Variants in INPP5F observed in about 807,000 individuals in gnomAD.
INPP5F encodes the protein phosphatidylinositide 4-phosphatase SAC2.
A neutral mutation model predicts 137.2 loss-of-function variants in INPP5F; 97 were observed. The ratio of observed to expected loss-of-function variants is 0.71; its 90% CI spans 0.60 to 0.84. The LOEUF is 0.84. Among genes scored for constraint, INPP5F ranks in the 40% least tolerant of loss-of-function variants. The pLI, the probability that INPP5F is intolerant of heterozygous loss-of-function variation, is 0.00. For synonymous variants in INPP5F, 504 were observed against 476.9 expected, an observed-to-expected ratio of 1.06 and a Z score of -0.74; for missense variants, 1,271 against 1,371.9, an observed-to-expected ratio of 0.93 and a Z score of 1.16.
rs768504947 is a variant in INPP5F, at chr10:119,726,286, C to T, written c.24C>T (p.Asp8=). The part of the protein sequence containing the change: MELFQAK[D]HYILQQGERA... ...GCATGGAGCTCTTCCAAGCCAAGGA[C>T]CACTACATCCTGCAGCAGGGCGAGC... is the stretch of plus-strand genomic sequence containing the variant. The change falls in exon 1 of 20, where the codon GAC becomes GAT. Residue 8 remains aspartate (D), a synonymous_variant. Coordinates refer to ENST00000650623, the MANE Select transcript of INPP5F (RefSeq NM_014937.4). 2.7e-6 allele frequency: 4 copies of T among 1,492,408 alleles called. No individual in the cohort carries two copies. The highest frequency in any genetic ancestry group is 2.9e-5 in the African/African-American group (2 of 68,712). The allele number at this position is 1,492,408 out of a possible 1,614,324, so 92.4% of individuals were successfully genotyped here.
intron 15 of INPP5F, chr10:119,816,076 G>C (rs1460414438): frequency 6.6e-6 from 1 of 152,242 alleles, no homozygotes; most frequent in East Asian, 1.9e-4. Flanking sequence ...AGCAGGATGA[G>C]GCCTGCCTAC....
Position 119,748,606 on chromosome 10 carries a change from C to T in INPP5F, c.98-2470C>T, listed in dbSNP as rs1332513585. ...GGGTAGCTCCTTTTTGCAGGCAGGT[C>T]ATCCAATGAGGAGACCCGAAGGGGG... On this transcript the variant is annotated intron_variant, in intron 1 of 19. Transcript: ENST00000650623. This position sits in a 1 kb window ranked among gnomAD's most constrained non-coding sequence, Gnocchi z 4.7. Among the ~76,000 whole-genome samples the T allele has an allele frequency of 6.6e-6, 1 of 152,178 alleles. No homozygotes were observed. The highest frequency in any genetic ancestry group is 1.5e-5 in the Non-Finnish European group (1 of 68,038).
At chr10:119,793,163 G>A (rs921373177) in intron 6 of INPP5F, among the ~76,000 whole-genome samples, 1 of 152,136 alleles carries the variant, frequency 6.6e-6, no homozygotes, top group Non-Finnish European at 1.5e-5. Flanking sequence ...ATGTTTTGCC[G>A]AGTTTTTGTC....
chr10:119,759,397 T>G (rs1027638467), intron 2 of INPP5F, among the ~76,000 whole-genome samples: 1 of 150,450 alleles, frequency 6.6e-6, no homozygotes, highest in Non-Finnish European at 1.5e-5. Flanking sequence ...AAGATTTACT[T>G]TTTTTTTTTG....
chr10:119,734,435 G>A (rs983840989), intron 1 of INPP5F, among the ~76,000 whole-genome samples: 3 of 152,108 alleles, frequency 2.0e-5, no homozygotes, highest in African/African-American at 2.4e-5. Flanking sequence ...CAGGTTCTTA[G>A]GGTAATGAGT....
intron 1 of INPP5F, among the ~76,000 whole-genome samples, chr10:119,743,092 G>T (rs1374184897): frequency 2.0e-5 from 3 of 152,214 alleles, no homozygotes; most frequent in Non-Finnish European, 4.4e-5. Context: ...CTTTACCTAT[G>T]CCAGCTTTAA....
chr10:119,744,894 T>A (rs1332623500), intron 1 of INPP5F, among the ~76,000 whole-genome samples: 1 of 152,246 alleles, frequency 6.6e-6, no homozygotes, highest in Non-Finnish European at 1.5e-5. Context: ...CATCTCATCA[T>A]GAACTCAGTC....
chr10:119,822,879 G>T (rs1227547836), intron 17 of INPP5F, among the ~76,000 whole-genome samples, 192 bp from the exon 18 acceptor site: 1 of 152,110 alleles, frequency 6.6e-6, no homozygotes, highest in Non-Finnish European at 1.5e-5. Context: ...TTACCCCAGG[G>T]ATCAAGAAAG....
chr10:119,821,099 G>A (rs1851542480), intron 16 of INPP5F, among the ~76,000 whole-genome samples, 182 bp downstream of exon 16: 2 of 151,952 alleles, frequency 1.3e-5, no homozygotes, highest in East Asian at 1.9e-4. Flanking sequence ...TATCTTTATC[G>A]GTTTGAAAGC....
At chr10:119,747,740 T>G (rs1848579904) in intron 1 of INPP5F, among the ~76,000 whole-genome samples, 1 of 152,206 alleles carries the variant, frequency 6.6e-6, no homozygotes, top group Admixed American at 6.5e-5. Context: ...ATCACAGTGT[T>G]TTTTATGATG....
At chr10:119,804,438 CTT>C in intron 10 of INPP5F, 141 bp downstream of exon 10, 2 of 737,228 alleles carry the variant, frequency 2.7e-6, no homozygotes, top group Non-Finnish European at 4.1e-6. Flanking sequence ...CATTCATTTA[CTT>C]TGTTTTAATT....
chr10:119,776,162 G>C (rs1461079901), intron 2 of INPP5F, among the ~76,000 whole-genome samples: 1 of 152,094 alleles, frequency 6.6e-6, no homozygotes, highest in East Asian at 1.9e-4. Context: ...TCAAAGTCTA[G>C]GACACTTGAA....
At chr10:119,812,940 T>G (rs1238304996) in intron 15 of INPP5F, among the ~76,000 whole-genome samples, 1 of 152,192 alleles carries the variant, frequency 6.6e-6, no homozygotes, top group African/African-American at 2.4e-5. Context: ...AAGAGTACTT[T>G]TACTTCCCAT....
rs1396609819 is a variant in INPP5F, at chr10:119,787,876, G to T, written c.316-3641G>T. Among the ~76,000 whole-genome samples the T allele has an allele frequency of 6.6e-6, 1 of 152,116 alleles. No homozygotes were observed. The highest frequency in any genetic ancestry group is 6.5e-5 in the Admixed American group (1 of 15,278). Reference sequence around the variant, plus strand: ...TTAGCACTTGAGGCCTGGTGCTCAGGTGGAACTCCCTAGATCATGAGGGGA... The same window carrying T: ...TTAGCACTTGAGGCCTGGTGCTCAGTTGGAACTCCCTAGATCATGAGGGGA... On this transcript the variant is annotated intron_variant, in intron 3 of 19. Coordinates refer to ENST00000650623, the MANE Select transcript of INPP5F (RefSeq NM_014937.4). The surrounding 1 kb of genome is among the most constrained non-coding windows in gnomAD (Gnocchi z 4.1).
At chr10:119,796,161 T>A (rs865950251) in intron 6 of INPP5F, among the ~76,000 whole-genome samples, 107 of 152,262 alleles carry the variant, frequency 7.0e-4, no homozygotes, top group African/African-American at 2.3e-3. Context: ...TTTTTTCTTT[T>A]TGGTTTCATT....
chr10:119,726,342 G>T lies in INPP5F; in HGVS notation c.80G>T (p.Gly27Val), dbSNP rs765759915. The T allele has an allele frequency of 2.1e-6, 3 of 1,460,682 alleles. 1 individual carries two copies. Among genetic ancestry groups the T allele is most frequent in the South Asian group, 2.6e-5 (2 of 75,994 alleles). 90.5% of individuals were successfully genotyped at this position (1,460,682 alleles called of 1,614,324 possible). Residue 27 changes from glycine (G) to valine (V), a missense_variant, in exon 1 of 20, where the codon GGC becomes GTC. Physicochemically the swap from Gly to Val is moderately radical, Grantham distance 109. Around this residue, in one of 6 missense-constraint regions of INPP5F, gnomAD observed 109 missense variants for 105.1 expected, o/e 1.04. Coordinates refer to ENST00000650623, the MANE Select transcript of INPP5F (RefSeq NM_014937.4). ...RALWCSRRDG[G>V]LQLRPATDLL... ...CTGTGGTGCAGCCGCCGCGACGGCG[G>T]CCTCCAGCTCCGACCCGGTGAGGCT...
intron 2 of INPP5F, among the ~76,000 whole-genome samples, chr10:119,761,892 A>G (rs1423469451): frequency 6.6e-6 from 1 of 152,102 alleles, no homozygotes; most frequent in Non-Finnish European, 1.5e-5. Flanking sequence ...ATATTTTCCT[A>G]ATTATTTGTT....
chr10:119,751,296 A>G (rs1848683361), intron 2 of INPP5F, 140 bp downstream of exon 2: 4 of 650,220 alleles, frequency 6.2e-6, no homozygotes, highest in Non-Finnish European at 1.1e-5. Context: ...TGGGTGTATA[A>G]TGAGCGAAGA....
At chr10:119,825,161 G>T (rs1212289489) in intron 19 of INPP5F, among the ~76,000 whole-genome samples, 2 of 152,102 alleles carry the variant, frequency 1.3e-5, no homozygotes, top group African/African-American at 4.8e-5. Context: ...CAAGAATTTT[G>T]GTTGCTAAGC....
Sources: allele counts gnomAD v4.1 joint callset (sites outside exome capture counted in the v4.1 genomes callset), GRCh38; gene constraint gnomAD v4.1.1; regional missense constraint gnomAD v4.1.1; non-coding constraint Gnocchi (gnomAD v3.1); transcripts MANE v1.5; gene names NCBI Gene and HGNC (gene_info 2026-07-23, HGNC 2026-07-21).